PTPRU: variants seen among roughly 807,000 people sequenced by gnomAD.
PTPRU encodes receptor-type tyrosine-protein phosphatase U.
In PTPRU, 69 loss-of-function variants were observed where a neutral mutation model predicts 166.3. The ratio of observed to expected loss-of-function variants is 0.41; its 90% CI spans 0.34 to 0.51. PTPRU has a LOEUF of 0.51. PTPRU is among the 20% of genes least tolerant of loss of function. The pLI, the probability that PTPRU is intolerant of heterozygous loss-of-function variation, is 0.09. For missense variants in PTPRU, 1,657 were observed against 2,013.7 expected (o/e 0.82, Z 3.39); for synonymous variants, 793 against 814.0 (o/e 0.97, Z 0.44).
chr1:29,324,921 G>A (rs1309968215), intron 28 of PTPRU, among the ~76,000 whole-genome samples: 1 of 149,450 alleles, frequency 6.7e-6, no homozygotes, highest in Non-Finnish European at 1.5e-5. Flanking sequence ...TCCTTTCTGG[G>A]TTTCCTAGCT....
In PTPRU at chr1:29,277,782, T is replaced by C. The variant is rs1012877897; in HGVS notation, c.1454-1230T>C. Among the ~76,000 whole-genome samples the C allele has an allele frequency of 1.4e-5, 2 of 146,710 alleles. 1 individual carries two copies. The highest frequency in any genetic ancestry group is 4.4e-4 in the South Asian group (2 of 4,508). ...AAAGCCTGGCTTTCTAACCTGACCA[T>C]CTGGCTTCACAGTTGTCATTCTTTT... On this transcript the variant is annotated intron_variant, in intron 8 of 29. Coordinates refer to ENST00000373779, the MANE Select transcript of PTPRU (RefSeq NM_133178.4).
In PTPRU at chr1:29,316,138, G is replaced by A. The variant is rs1253404596; in HGVS notation, c.3500G>A (p.Arg1167Gln). Residue 1167 changes from arginine (R) to glutamine (Q), a missense_variant, in exon 24 of 30, where the codon CGG becomes CAG. By Grantham distance (43) the Arg-to-Gln change is conservative (BLOSUM62 1). This residue lies in a region of PTPRU where 1,190 missense variants were observed against 1,477.4 expected (regional missense o/e 0.81). Coordinates refer to ENST00000373779, the MANE Select transcript of PTPRU (RefSeq NM_133178.4). ...CCTCAGAGTAATTCCTCCCAGCTGC[G>A]GGAAGAGTTCCAGGTGGGGGATGAG... ...IDPQSNSSQLREEFQTLNSVT... is the reference protein window; with the variant it reads ...IDPQSNSSQLQEEFQTLNSVT... 1.1e-5 allele frequency: 18 copies of A among 1,613,968 alleles called. No homozygotes were observed. The highest frequency in any genetic ancestry group is 1.4e-5 in the Non-Finnish European group (16 of 1,180,038).
Position 29,323,501 on chromosome 1 carries a change from G to A in PTPRU, c.3954+5G>A. On this transcript the variant is annotated splice_donor_5th_base_variant and intron_variant, in intron 27 of 29. Coordinates refer to ENST00000373779, the MANE Select transcript of PTPRU (RefSeq NM_133178.4). The stretch of plus-strand genomic sequence containing the variant: ...CGGGTGCAGAACATCTCTCGGGTGA[G>A]TGGTCTGAGGAGCCCCAGGGAAGGA... 1 of 1,611,104 alleles carries A rather than the reference G, an allele frequency of 6.2e-7. No individual in the cohort carries two copies. Among genetic ancestry groups the A allele is most frequent in the Non-Finnish European group, 8.5e-7 (1 of 1,178,800 alleles).
chr1:29,304,960 C>A, intron 17 of PTPRU, 111 bp downstream of exon 17: 1 of 980,316 alleles, frequency 1.0e-6, no homozygotes, highest in Non-Finnish European at 1.5e-6. Context: ...GTAGCATTGG[C>A]CACCTTTTAT....
At chr1:29,303,261 A>G (rs898685454) in intron 15 of PTPRU, among the ~76,000 whole-genome samples, 7 of 151,924 alleles carry the variant, frequency 4.6e-5, no homozygotes, top group Non-Finnish European at 8.8e-5. Flanking sequence ...GGCTCGGGGG[A>G]GGATGGTTTC....
Position 29,291,769 on chromosome 1 carries a change from C to T in PTPRU, c.2319-100C>T. The T allele has an allele frequency of 2.3e-6, 3 of 1,289,244 alleles. 1 individual carries two copies. In the South Asian group the frequency reaches 4.2e-5, roughly 18 times the overall value. 79.9% of individuals were successfully genotyped at this position (1,289,244 alleles called of 1,614,324 possible). ...ATGCTTCTAGGACAGCTGCTGGCTC[C>T]TGGCCTTGAGGTCCCCTTACTCCAG... On this transcript the variant is annotated intron_variant, in intron 14 of 29. Coordinates refer to ENST00000373779, the MANE Select transcript of PTPRU (RefSeq NM_133178.4). This position sits in a 1 kb window ranked among gnomAD's most constrained non-coding sequence, Gnocchi z 4.1.
chr1:29,243,938 G>T (rs983117677), intron 1 of PTPRU, among the ~76,000 whole-genome samples: 10 of 152,340 alleles, frequency 6.6e-5, no homozygotes, highest in African/African-American at 2.4e-4. Context: ...GGACCCCTGA[G>T]GGGGACAGCT....
intron 8 of PTPRU, among the ~76,000 whole-genome samples, chr1:29,278,560 A>G (rs943157257): frequency 4.6e-5 from 7 of 152,210 alleles, no homozygotes; most frequent in African/African-American, 1.7e-4. Flanking sequence ...TGAACATGTC[A>G]TTTATGTAAT....
Position 29,312,553 on chromosome 1 carries a change from G to A in PTPRU, c.3074G>A (p.Arg1025Lys), listed in dbSNP as rs760370694. 1.3e-6 allele frequency: 2 copies of A among 1,583,680 alleles called. No homozygotes were observed. The highest frequency in any genetic ancestry group is 2.2e-5 in the South Asian group (2 of 89,678). Residue 1025 changes from arginine to lysine, a missense_variant and splice_region_variant, in exon 22 of 30, where the codon AGA becomes AAA. Physicochemically the swap from Arg to Lys is conservative, Grantham distance 26. This residue lies in a region of PTPRU where 1,190 missense variants were observed against 1,477.4 expected (regional missense o/e 0.81). Transcript: ENST00000373779. Reference sequence around the variant, plus strand: ...TTATTATTCCCATTGTCTCCCCAGAGAGGCTACTCTGCCCGGCACGAGGTC... The same window carrying A: ...TTATTATTCCCATTGTCTCCCCAGAAAGGCTACTCTGCCCGGCACGAGGTC... ...YVVRTFALER[R>K]GYSARHEVRQ...
Position 29,317,994 on chromosome 1 carries a change from G to A in PTPRU, c.3687+73G>A. 1 of 1,550,776 alleles carries A rather than the reference G, an allele frequency of 6.4e-7. No homozygotes were observed. The highest frequency in any genetic ancestry group is 8.8e-7 in the Non-Finnish European group (1 of 1,139,740). ...CATCAGGGAAGGTCCAGGGGCCACG[G>A]GAACAAAGCTGAAGGCTCTGTTGGG... On this transcript the variant is annotated intron_variant, in intron 25 of 29. Transcript: ENST00000373779. This position sits in a 1 kb window ranked among gnomAD's most constrained non-coding sequence, Gnocchi z 5.6.
intron 15 of PTPRU, among the ~76,000 whole-genome samples, chr1:29,297,475 C>T (rs1686945158): frequency 6.6e-6 from 1 of 152,180 alleles, no homozygotes; most frequent in Non-Finnish European, 1.5e-5. Context: ...AAATGCAAGT[C>T]TTTCTGAATT....
At chr1:29,292,653 G>T (rs766573138) in intron 15 of PTPRU, among the ~76,000 whole-genome samples, 3 of 152,058 alleles carry the variant, frequency 2.0e-5, no homozygotes, top group Non-Finnish European at 4.4e-5. Flanking sequence ...GTGTTGATTT[G>T]TACAGAAGAG....
intron 29 of PTPRU, 120 bp from the exon 30 acceptor site, chr1:29,325,479 T>A (rs945817413): frequency 6.7e-7 from 1 of 1,503,224 alleles, no homozygotes; most frequent in Non-Finnish European, 9.2e-7. Flanking sequence ...TTCTCCCTTC[T>A]CCCCGAGGGC....
chr1:29,298,991 A>G (rs1188945407), intron 15 of PTPRU, among the ~76,000 whole-genome samples: 1 of 152,188 alleles, frequency 6.6e-6, no homozygotes, highest in East Asian at 1.9e-4. Flanking sequence ...CTTACTTGCT[A>G]ATTGCAAACA....
intron 15 of PTPRU, among the ~76,000 whole-genome samples, chr1:29,302,209 A>T (rs557864881): frequency 1.3e-5 from 2 of 149,190 alleles, no homozygotes; most frequent in Admixed American, 6.7e-5. Context: ...AAAAAAATTT[A>T]AAAAACGAAA....
At chr1:29,263,899 C>T (rs140698405) in intron 7 of PTPRU, among the ~76,000 whole-genome samples, 12 of 151,950 alleles carry the variant, frequency 7.9e-5, no homozygotes, top group Non-Finnish European at 5.9e-5. Flanking sequence ...GTAGGCCGGG[C>T]ATGGTGGTGG....
Position 29,238,800 on chromosome 1 carries a change from G to C in PTPRU, c.73+2083G>C, listed in dbSNP as rs1683907345. ...TCCCCGCTCCTACCACCATCGCTTTGATTTCAAGAACACTCACAAGCCCCA... is the reference window on the plus strand; with the variant it reads ...TCCCCGCTCCTACCACCATCGCTTTCATTTCAAGAACACTCACAAGCCCCA... On this transcript the variant is annotated intron_variant, in intron 1 of 29. Coordinates refer to ENST00000373779, the MANE Select transcript of PTPRU (RefSeq NM_133178.4). The surrounding 1 kb of genome is among the most constrained non-coding windows in gnomAD (Gnocchi z 6.1). 6.6e-6 allele frequency among the ~76,000 whole-genome samples: 1 copy of C among 152,102 alleles called. No homozygotes were observed. Among genetic ancestry groups the C allele is most frequent in the African/African-American group, 2.4e-5 (1 of 41,408 alleles).
intron 12 of PTPRU, 188 bp from the exon 13 acceptor site, chr1:29,283,752 A>C (rs1574660616): frequency 4.6e-6 from 3 of 652,088 alleles, no homozygotes; most frequent in Non-Finnish European, 5.5e-6. Context: ...AAGGCACTGC[A>C]GGTGCCTCCC....
chr1:29,285,859 C>T (rs1228832412), intron 14 of PTPRU, among the ~76,000 whole-genome samples: 3 of 152,210 alleles, frequency 2.0e-5, no homozygotes, highest in Non-Finnish European at 4.4e-5. Flanking sequence ...AGCCGTGGGA[C>T]ACTGTGGTCC....
Sources: allele counts gnomAD v4.1 joint callset (sites outside exome capture counted in the v4.1 genomes callset), GRCh38; gene constraint gnomAD v4.1.1; regional missense constraint gnomAD v4.1.1; non-coding constraint Gnocchi (gnomAD v3.1); transcripts MANE v1.5; gene names NCBI Gene and HGNC (gene_info 2026-07-23, HGNC 2026-07-21).